The following GLRB variants were observed in gnomAD, a reference collection of about 807,000 sequenced individuals.
GLRB encodes glycine receptor subunit beta.
A neutral mutation model predicts 54.2 loss-of-function variants in GLRB; 33 were observed. That is an observed-to-expected ratio of 0.61 (90% CI 0.46 to 0.81). The LOEUF (loss-of-function observed/expected upper bound fraction) is 0.81, where lower values mean the gene tolerates loss of function less well. Ranked by LOEUF, GLRB falls within the 40% of genes least tolerant of loss-of-function variation. GLRB has a pLI of 0.00. For missense variants in GLRB, 572 were observed against 584.6 expected (o/e 0.98, Z 0.22); for synonymous variants, 209 against 208.2 (o/e 1.00, Z -0.03).
At chr4:157,166,741 T>C (rs1737724573) in intron 9 of GLRB, among the ~76,000 whole-genome samples, 1 of 152,046 alleles carries the variant, frequency 6.6e-6, no homozygotes, top group African/African-American at 2.4e-5. Flanking sequence ...ATTTGCAGCT[T>C]TTTTGGAATG....
intron 2 of GLRB, among the ~76,000 whole-genome samples, chr4:157,089,387 A>G (rs912179747): frequency 4.6e-5 from 7 of 152,208 alleles, no homozygotes; most frequent in African/African-American, 1.7e-4. Context: ...CCTGGGCGAC[A>G]GAGGGAGACC....
At chr4:157,169,447 C>G (rs941853158) in intron 9 of GLRB, among the ~76,000 whole-genome samples, 2 of 152,050 alleles carry the variant, frequency 1.3e-5, no homozygotes, top group Non-Finnish European at 2.9e-5. Context: ...ATATAATTGT[C>G]CTTTTGTATC....
At chr4:157,087,996 C>G (rs1734474113) in intron 2 of GLRB, among the ~76,000 whole-genome samples, 1 of 151,946 alleles carries the variant, frequency 6.6e-6, no homozygotes, top group Admixed American at 6.6e-5. Flanking sequence ...GCCAATTATT[C>G]AAATTTATGT....
intron 2 of GLRB, among the ~76,000 whole-genome samples, chr4:157,095,651 A>G (rs1734782009): frequency 1.3e-5 from 2 of 152,090 alleles, no homozygotes; most frequent in African/African-American, 2.4e-5. Context: ...ACATGGTGAA[A>G]CCCTATCTCT....
intron 2 of GLRB, among the ~76,000 whole-genome samples, chr4:157,083,971 A>T (rs190891037): frequency 1.8e-3 from 280 of 152,296 alleles, no homozygotes; most frequent in African/African-American, 6.3e-3. Flanking sequence ...ATAATGATCT[A>T]ATAAATGCCT....
intron 2 of GLRB, among the ~76,000 whole-genome samples, chr4:157,081,446 A>G (rs1175053321): frequency 1.3e-5 from 2 of 152,192 alleles, no homozygotes; most frequent in Non-Finnish European, 2.9e-5. Flanking sequence ...ACTTGAAATG[A>G]TAAAACCTGA....
At chr4:157,098,812 T>C (rs1734910893) in intron 2 of GLRB, among the ~76,000 whole-genome samples, 1 of 152,138 alleles carries the variant, frequency 6.6e-6, no homozygotes, top group Non-Finnish European at 1.5e-5. Context: ...TTCACCATGT[T>C]GGCCAGACTG....
chr4:157,101,808 T>TC (rs923981390), intron 2 of GLRB, among the ~76,000 whole-genome samples: 26 of 151,308 alleles, frequency 1.7e-4, no homozygotes, highest in Non-Finnish European at 2.8e-4. Context: ...TTTTTTTTTT[T>TC]TTTTTGGTGG....
intron 9 of GLRB, 99 bp from the exon 10 acceptor site, chr4:157,170,333 C>T: frequency 1.4e-6 from 1 of 718,404 alleles, no homozygotes. Context: ...TAAGCAAATG[C>T]TTCTTGTAGA....
intron 2 of GLRB, among the ~76,000 whole-genome samples, chr4:157,103,937 G>T (rs1014423567): frequency 2.0e-5 from 3 of 148,558 alleles, no homozygotes; most frequent in African/African-American, 7.5e-5. Context: ...GTGTGTGTGT[G>T]TTTGTGTGTG....
intron 2 of GLRB, among the ~76,000 whole-genome samples, chr4:157,119,543 A>G (rs1735726430): frequency 6.6e-6 from 1 of 151,682 alleles, no homozygotes; most frequent in African/African-American, 2.4e-5. Flanking sequence ...ACTTTATAGA[A>G]AGTAACATGG....
chr4:157,107,105 C>A (rs1395581916), intron 2 of GLRB, among the ~76,000 whole-genome samples: 1 of 152,008 alleles, frequency 6.6e-6, no homozygotes. Flanking sequence ...ACAAATCATG[C>A]CCACATAAGA....
At chr4:157,138,163 G>A (rs930407758) in intron 6 of GLRB, among the ~76,000 whole-genome samples, 2 of 152,052 alleles carry the variant, frequency 1.3e-5, no homozygotes, top group African/African-American at 4.8e-5. Flanking sequence ...CCTCCACTTT[G>A]CGGGTTCAAG....
chr4:157,152,378 T>G (rs1288227070), intron 8 of GLRB, among the ~76,000 whole-genome samples: 1 of 152,156 alleles, frequency 6.6e-6, no homozygotes, highest in Non-Finnish European at 1.5e-5. Flanking sequence ...ATAATCTGTC[T>G]CATAAGAGAG....
chr4:157,119,443 G>GT (rs1413660201), intron 2 of GLRB, among the ~76,000 whole-genome samples: 1 of 151,296 alleles, frequency 6.6e-6, no homozygotes, highest in Non-Finnish European at 1.5e-5. Flanking sequence ...GTTCTTTGTT[G>GT]TTTTTTTCTC....
Position 157,162,667 on chromosome 4 carries a change from A to G in GLRB, c.1198-7765A>G, listed in dbSNP as rs140730722. 5.7e-3 allele frequency among the ~76,000 whole-genome samples: 867 copies of G among 152,234 alleles called. 10 individuals carry two copies. Among genetic ancestry groups the G allele is most frequent in the African/African-American group, 0.019 (799 of 41,548 alleles). On this transcript the variant is annotated intron_variant, in intron 9 of 9. Transcript: ENST00000264428. The stretch of plus-strand genomic sequence containing the variant: ...AGAGCAGCAAATATTGCAGAACAGC[A>G]AATGTTGCTGCCTGATCCTTCCTCT...
At chr4:157,159,781 C>A (rs1737396161) in intron 9 of GLRB, among the ~76,000 whole-genome samples, 1 of 151,966 alleles carries the variant, frequency 6.6e-6, no homozygotes. Context: ...CCGGGATATT[C>A]ATCTAAAATT....
chr4:157,101,818 G>T (rs939329575), intron 2 of GLRB, among the ~76,000 whole-genome samples: 4 of 148,492 alleles, frequency 2.7e-5, no homozygotes, highest in East Asian at 3.9e-4. Context: ...TTTTTTGGTG[G>T]GGGGGAGGGT....
At position 157,082,961 on chromosome 4, in the gene GLRB, GTT is replaced by G. The variant is rs1489347569; in HGVS notation, c.122+4818_122+4819del. On this transcript the variant is annotated intron_variant, in intron 2 of 9. Transcript: ENST00000264428. ...AATAATTATCAGACAAATGAATAGT[GTT>G]TTATATATATATATATATATATATA... is the stretch of plus-strand genomic sequence containing the variant. Among the ~76,000 whole-genome samples the G allele has an allele frequency of 5.2e-3, 660 of 126,966 alleles. 3 individuals are homozygous for G. Among genetic ancestry groups the G allele is most frequent in the African/African-American group, 0.017 (526 of 30,098 alleles). The allele number at this position is 126,966 out of a possible 152,430, so 83.3% of individuals were successfully genotyped here. A position where few individuals can be genotyped will look rare whatever the true frequency, so the allele number is the denominator to read the frequency against.
Sources: allele counts gnomAD v4.1 joint callset (sites outside exome capture counted in the v4.1 genomes callset), GRCh38; gene constraint gnomAD v4.1.1; transcripts MANE v1.5; gene names NCBI Gene and HGNC (gene_info 2026-07-23, HGNC 2026-07-21).